The following CAMSAP2 variants were observed in gnomAD, a reference collection of about 807,000 sequenced individuals.
The protein encoded by CAMSAP2 is calmodulin regulated spectrin associated protein family member 2, also known as calmodulin-regulated spectrin-associated protein 2.
In CAMSAP2, 26 loss-of-function variants were observed where a neutral mutation model predicts 146.1. That is an observed-to-expected ratio of 0.18 (90% CI 0.13 to 0.25). The LOEUF (loss-of-function observed/expected upper bound fraction) is 0.25. CAMSAP2 is among the 10% of genes least tolerant of loss of function. The pLI is 1.00. For synonymous variants in CAMSAP2, 499 were observed against 596.6 expected, an observed-to-expected ratio of 0.84 and a Z score of 2.38; for missense variants, 1,381 against 1,759.3, an observed-to-expected ratio of 0.78 and a Z score of 3.85.
intron 2 of CAMSAP2, among the ~76,000 whole-genome samples, chr1:200,798,426 GCA>G (rs1665944951): frequency 7.9e-6 from 1 of 127,234 alleles, no homozygotes; most frequent in Admixed American, 8.5e-5. Flanking sequence ...TCTCTTTGAA[GCA>G]ATTGTGAATG....
At chr1:200,776,624 G>C (rs1049499549) in intron 2 of CAMSAP2, among the ~76,000 whole-genome samples, 1 of 151,900 alleles carries the variant, frequency 6.6e-6, no homozygotes, top group South Asian at 2.1e-4. Context: ...CTTGGGAGAC[G>C]GAGGCAGGAG....
intron 4 of CAMSAP2, among the ~76,000 whole-genome samples, chr1:200,824,862 C>T (rs1666864712): frequency 6.6e-6 from 1 of 152,060 alleles, no homozygotes; most frequent in Admixed American, 6.6e-5. Context: ...GCCCGTAATC[C>T]CAGCTACTTG....
At chr1:200,810,685 C>G (rs563924399) in intron 3 of CAMSAP2, among the ~76,000 whole-genome samples, 1 of 151,236 alleles carries the variant, frequency 6.6e-6, no homozygotes, top group Non-Finnish European at 1.5e-5. Flanking sequence ...GGTCAGGAGT[C>G]GGAGACCAGC....
intron 2 of CAMSAP2, among the ~76,000 whole-genome samples, chr1:200,804,417 G>A (rs1287297648): frequency 1.3e-5 from 2 of 151,742 alleles, no homozygotes; most frequent in African/African-American, 4.8e-5. Flanking sequence ...TTTTCTTTCT[G>A]TTGTATAATA....
chr1:200,838,506 TAATA>T (rs1667239191), intron 6 of CAMSAP2, among the ~76,000 whole-genome samples: 2 of 152,230 alleles, frequency 1.3e-5, no homozygotes, highest in African/African-American at 4.8e-5. Context: ...TACATTCATT[TAATA>T]AATATTTATT....
At chr1:200,779,496 A>G (rs531720266) in intron 2 of CAMSAP2, among the ~76,000 whole-genome samples, 1 of 152,256 alleles carries the variant, frequency 6.6e-6, no homozygotes, top group South Asian at 2.1e-4. Context: ...CCAGGGAGAT[A>G]TGGGCTTGAG....
intron 2 of CAMSAP2, among the ~76,000 whole-genome samples, chr1:200,774,228 A>G (rs957856360): frequency 6.6e-6 from 1 of 152,164 alleles, no homozygotes; most frequent in Admixed American, 6.5e-5. Flanking sequence ...ATAGGTGGTC[A>G]TTAAAACAAA....
rs144682579 is a variant in CAMSAP2, at chr1:200,790,007, A to G, written c.400-17369A>G. Among the ~76,000 whole-genome samples, 282 of 152,298 alleles carry G rather than the reference A, an allele frequency of 1.9e-3. 2 individuals carry two copies. The highest frequency in any genetic ancestry group is 6.6e-3 in the African/African-American group (274 of 41,552). ...TTGTATGTTAACCTTGTATCCTGCA[A>G]CCTTGCTATAATATGGTGGTAAGGT... On this transcript the variant is annotated intron_variant, in intron 2 of 16. Coordinates refer to ENST00000358823, the MANE Select transcript of CAMSAP2 (RefSeq NM_203459.4).
In CAMSAP2 at chr1:200,739,410, A is replaced by T. The variant is rs1296610136; in HGVS notation, c.-418A>T. ...GACATTTTCCACAACGTGATTGTTG[A>T]AGGCTCCCCCCATCCCCCCTCCCTT... On this transcript the variant is annotated 5_prime_UTR_variant, in exon 1 of 17. Coordinates refer to ENST00000358823, the MANE Select transcript of CAMSAP2 (RefSeq NM_203459.4). This position sits in a 1 kb window ranked among gnomAD's most constrained non-coding sequence, Gnocchi z 4.8. 6.6e-6 allele frequency: 1 copy of T among 152,558 alleles called. No individual in the cohort carries two copies. The highest frequency in any genetic ancestry group is 2.4e-5 in the African/African-American group (1 of 41,412). 9.5% of individuals were successfully genotyped at this position (152,558 alleles called of 1,614,324 possible). A position where few individuals can be genotyped will look rare whatever the true frequency, so the allele number is the denominator to read the frequency against.
In CAMSAP2 at chr1:200,832,702, G is replaced by T; in HGVS notation, c.788-4G>T. On this transcript the variant is annotated splice_polypyrimidine_tract_variant and splice_region_variant and intron_variant, in intron 5 of 16. Coordinates refer to ENST00000358823, the MANE Select transcript of CAMSAP2 (RefSeq NM_203459.4). This position sits in a 1 kb window ranked among gnomAD's most constrained non-coding sequence, Gnocchi z 4.2. ...TCACCACCTTGCTCTTTTCTTATTT[G>T]AAGATATTTGTTTGAAAGAAACTAT... 1 of 1,589,968 alleles carries T rather than the reference G, an allele frequency of 6.3e-7. No homozygotes were observed. Among genetic ancestry groups the T allele is most frequent in the Non-Finnish European group, 8.5e-7 (1 of 1,171,072 alleles).
In CAMSAP2 at chr1:200,848,652, C is replaced by T. The variant is rs375728037; in HGVS notation, c.1883C>T (p.Ser628Leu). The T allele has an allele frequency of 1.6e-5, 26 of 1,614,072 alleles. No homozygotes were observed. Among genetic ancestry groups the T allele is most frequent in the Non-Finnish European group, 2.0e-5 (24 of 1,179,978 alleles). ...DIPETMDEDS[S>L]LRDYTVSLDS... The stretch of plus-strand genomic sequence containing the variant: ...CCTGAAACTATGGACGAAGATTCTT[C>T]GTTGAGAGATTATACTGTAAGCTTG... The change falls in exon 11 of 17, where the codon TCG becomes TTG. Residue 628 changes from serine to leucine, a missense_variant. By Grantham distance (145) the Ser-to-Leu change is moderately radical. Around this residue, in one of 4 missense-constraint regions of CAMSAP2, gnomAD observed 447 missense variants for 462.2 expected, o/e 0.97. Coordinates refer to ENST00000358823, the MANE Select transcript of CAMSAP2 (RefSeq NM_203459.4).
intron 2 of CAMSAP2, among the ~76,000 whole-genome samples, chr1:200,805,919 A>G (rs1292227196): frequency 6.6e-6 from 1 of 152,212 alleles, no homozygotes; most frequent in African/African-American, 2.4e-5. Context: ...GAATGATATG[A>G]TGCAATCTCC....
intron 4 of CAMSAP2, among the ~76,000 whole-genome samples, chr1:200,816,886 G>A (rs754783979): frequency 1.8e-5 from 1 of 57,132 alleles, no homozygotes; most frequent in Admixed American, 1.7e-4. Context: ...ACACACGCGT[G>A]TGTATGTGTG....
chr1:200,840,093 T>C (rs887608350), intron 6 of CAMSAP2, among the ~76,000 whole-genome samples: 7 of 152,122 alleles, frequency 4.6e-5, no homozygotes, highest in Non-Finnish European at 8.8e-5. Context: ...TGCATTATCT[T>C]CTGTAATACT....
At chr1:200,805,569 G>A (rs915383964) in intron 2 of CAMSAP2, among the ~76,000 whole-genome samples, 5 of 152,274 alleles carry the variant, frequency 3.3e-5, no homozygotes, top group South Asian at 2.1e-4. Context: ...TGCTGATGCC[G>A]TACTTTAGAT....
rs1288527597 is a variant in CAMSAP2, at chr1:200,806,763, GTGTATC to G, written c.400-611_400-606del. Among the ~76,000 whole-genome samples, 986 of 117,658 alleles carry G rather than the reference GTGTATC, an allele frequency of 8.4e-3. 4 individuals carry two copies. Among genetic ancestry groups the G allele is most frequent in the Admixed American group, 0.011 (120 of 10,710 alleles). The allele number at this position is 117,658 out of a possible 152,430, so 77.2% of individuals were successfully genotyped here. A position where few individuals can be genotyped will look rare whatever the true frequency, so the allele number is the denominator to read the frequency against. ...TATAATTGTGTGTGTGTGTGTGTGT[GTGTATC>G]TATCTATCTATCTATCTATCTATCT... On this transcript the variant is annotated intron_variant, in intron 2 of 16. Coordinates refer to ENST00000358823, the MANE Select transcript of CAMSAP2 (RefSeq NM_203459.4).
chr1:200,740,865 G>A (rs570180441), intron 1 of CAMSAP2, among the ~76,000 whole-genome samples: 7 of 152,148 alleles, frequency 4.6e-5, no homozygotes, highest in Non-Finnish European at 1.0e-4. Context: ...GCTTTTCATT[G>A]GAAGATGCTT....
Position 200,792,434 on chromosome 1 carries a change from C to T in CAMSAP2, c.400-14942C>T, listed in dbSNP as rs192455447. 2.6e-3 allele frequency among the ~76,000 whole-genome samples: 390 copies of T among 152,182 alleles called. 1 individual carries two copies. The highest frequency in any genetic ancestry group is 9.0e-3 in the African/African-American group (373 of 41,522). On this transcript the variant is annotated intron_variant, in intron 2 of 16. Coordinates refer to ENST00000358823, the MANE Select transcript of CAMSAP2 (RefSeq NM_203459.4). ...TCCCAGCACTTTGAGAGTTTGAGAT[C>T]GGGAGTTTGAGACCAGCCTGGCCAA... is the stretch of plus-strand genomic sequence containing the variant.
rs1667830399 is a variant in CAMSAP2 at position 200,859,522 on chromosome 1, C to T, written c.*1463C>T. 1 of 152,580 alleles carries T rather than the reference C, an allele frequency of 6.6e-6. No individual in the cohort carries two copies. The highest frequency in any genetic ancestry group is 6.5e-5 in the Admixed American group (1 of 15,272). 9.5% of individuals were successfully genotyped at this position (152,580 alleles called of 1,614,324 possible). ...GGCATCAGTGCATCTGGGTTATCAA[C>T]ATTTTCTCAAATGCTGTCAATATTT... On this transcript the variant is annotated 3_prime_UTR_variant, in exon 17 of 17. Coordinates refer to ENST00000358823, the MANE Select transcript of CAMSAP2 (RefSeq NM_203459.4).
Sources: gnomAD v4.1 joint callset for allele counts (sites outside exome capture counted in the v4.1 genomes callset) on GRCh38, gnomAD v4.1.1 for gene constraint, gnomAD v4.1.1 regional missense constraint, Gnocchi (gnomAD v3.1) non-coding constraint, MANE v1.5 for transcripts, NCBI Gene and HGNC (gene_info 2026-07-23, HGNC 2026-07-21) for gene names.